Variants in ATOSA observed in about 807,000 individuals in gnomAD.
The protein encoded by ATOSA is atos homolog protein A.
At chr15:52,676,151 A>G in the ATOSA span, among the ~76,000 whole-genome samples, 1 of 152,258 alleles carries the variant, frequency 6.6e-6, no homozygotes, top group Non-Finnish European at 1.5e-5. Flanking sequence ...AAATGTCTCC[A>G]CATATCATGA....
the ATOSA span, among the ~76,000 whole-genome samples, chr15:52,708,259 A>T: frequency 6.6e-6 from 1 of 152,124 alleles, no homozygotes; most frequent in Non-Finnish European, 1.5e-5. Context: ...CAGAAAACGG[A>T]GGCAGAAGAG....
At chr15:52,665,116 G>A in the ATOSA span, among the ~76,000 whole-genome samples, 2 of 152,212 alleles carry the variant, frequency 1.3e-5, no homozygotes, top group African/African-American at 4.8e-5. Flanking sequence ...CGAGGGGAAT[G>A]GAGGGAGGCA....
At chr15:52,707,761 A>G in the ATOSA span, among the ~76,000 whole-genome samples, 1 of 152,220 alleles carries the variant, frequency 6.6e-6, no homozygotes, top group African/African-American at 2.4e-5. Flanking sequence ...ATGATTCAGA[A>G]AAAAAGTCAA....
chr15:52,605,243 T>C, the ATOSA span: 3 of 1,581,966 alleles, frequency 1.9e-6, no homozygotes, highest in Non-Finnish European at 2.6e-6. Context: ...TTCAGTGTAG[T>C]CCTCTGTTAG....
At chr15:52,696,008 G>A in the ATOSA span, among the ~76,000 whole-genome samples, 1 of 152,104 alleles carries the variant, frequency 6.6e-6, no homozygotes, top group Admixed American at 6.6e-5. Context: ...TAGATTACAT[G>A]GGGTTTTAGG....
At chr15:52,583,049 A>C in the ATOSA span, among the ~76,000 whole-genome samples, 12 of 152,190 alleles carry the variant, frequency 7.9e-5, no homozygotes, top group Non-Finnish European at 1.8e-4. Flanking sequence ...ACTAGCTGAA[A>C]GATGTGGTGG....
the ATOSA span, among the ~76,000 whole-genome samples, chr15:52,603,102 T>C: frequency 6.6e-6 from 1 of 152,210 alleles, no homozygotes; most frequent in Non-Finnish European, 1.5e-5. Context: ...CCTGATCACT[T>C]GGGCATTTTA....
chr15:52,702,074 A>G, the ATOSA span, among the ~76,000 whole-genome samples: 4,880 of 152,288 alleles, frequency 0.032, 232 homozygotes, highest in African/African-American at 0.11. Flanking sequence ...ATGGGATACC[A>G]TTTCATACCA....
chr15:52,603,001 G>C, the ATOSA span, among the ~76,000 whole-genome samples: 1 of 152,232 alleles, frequency 6.6e-6, no homozygotes, highest in African/African-American at 2.4e-5. Flanking sequence ...GTGGGGGAAG[G>C]GGCAAATGTC....
the ATOSA span, chr15:52,593,381 C>T: frequency 5.7e-6 from 3 of 524,054 alleles, no homozygotes; most frequent in Non-Finnish European, 1.0e-5. Flanking sequence ...ATTTTTAGTA[C>T]CATCCTTAAA....
chr15:52,596,463 C>T, the ATOSA span, among the ~76,000 whole-genome samples: 1 of 152,198 alleles, frequency 6.6e-6, no homozygotes, highest in Non-Finnish European at 1.5e-5. Context: ...CTTGATCGCA[C>T]ACCTCCTATC....
At chr15:52,702,737 C>T in the ATOSA span, among the ~76,000 whole-genome samples, 1 of 124,642 alleles carries the variant, frequency 8.0e-6, no homozygotes, top group South Asian at 2.6e-4. Context: ...CAAACCTGTA[C>T]ATGTATCCCC....
chr15:52,704,590 T>G, the ATOSA span, among the ~76,000 whole-genome samples: 1 of 151,780 alleles, frequency 6.6e-6, no homozygotes, highest in Non-Finnish European at 1.5e-5. Flanking sequence ...TGAGAGAAAA[T>G]TTTGGCAATC....
the ATOSA span, chr15:52,584,928 T>A: frequency 1.2e-6 from 2 of 1,610,184 alleles, no homozygotes; most frequent in Non-Finnish European, 1.7e-6. Context: ...CACAGTCTTA[T>A]TAGGATTAAA....
chr15:52,618,878 A>T, the ATOSA span, among the ~76,000 whole-genome samples: 1 of 151,974 alleles, frequency 6.6e-6, no homozygotes, highest in African/African-American at 2.4e-5. Flanking sequence ...ATTGGACTAA[A>T]ATTTGGTTGC....
At chr15:52,664,252 T>C in the ATOSA span, among the ~76,000 whole-genome samples, 5 of 152,330 alleles carry the variant, frequency 3.3e-5, no homozygotes, top group South Asian at 4.1e-4. Context: ...TTATACCCCA[T>C]AGATTTTCTA....
the ATOSA span, chr15:52,587,260 T>C: frequency 7.2e-6 from 11 of 1,533,636 alleles, no homozygotes; most frequent in Non-Finnish European, 9.8e-6. Context: ...AACTGATGCA[T>C]ATGTACATAA....
the ATOSA span, among the ~76,000 whole-genome samples, chr15:52,671,338 G>T: frequency 1.3e-5 from 2 of 152,098 alleles, no homozygotes; most frequent in African/African-American, 4.8e-5. Flanking sequence ...TCCCTAAATT[G>T]GCAGAAGTTC....
the ATOSA span, among the ~76,000 whole-genome samples, chr15:52,644,283 A>C: frequency 3.3e-5 from 5 of 152,158 alleles, no homozygotes; most frequent in Admixed American, 6.5e-5. Context: ...CCTCTTCATC[A>C]GATTCTTCAG....
Sources: gnomAD v4.1 joint callset for allele counts (sites outside exome capture counted in the v4.1 genomes callset) on GRCh38, gnomAD v4.1.1 for gene constraint, MANE v1.5 for transcripts, NCBI Gene and HGNC (gene_info 2026-07-23, HGNC 2026-07-21) for gene names.